Variants in RPS6KA2 observed in about 807,000 individuals in gnomAD.
RPS6KA2 encodes ribosomal protein S6 kinase A2.
A neutral mutation model predicts 91.8 loss-of-function variants in RPS6KA2; 42 were observed. The ratio of observed to expected loss-of-function variants is 0.46; its 90% CI spans 0.36 to 0.59. RPS6KA2 has a LOEUF of 0.59. Among genes scored for constraint, RPS6KA2 ranks in the 20% least tolerant of loss-of-function variants. RPS6KA2 has a pLI of 0.00. For synonymous variants in RPS6KA2, 414 were observed against 393.6 expected, an observed-to-expected ratio of 1.05 and a Z score of -0.61; for missense variants, 798 against 978.5, an observed-to-expected ratio of 0.82 and a Z score of 2.46.
intron 1 of RPS6KA2, among the ~76,000 whole-genome samples, chr6:166,599,093 G>A (rs544156114): frequency 6.6e-6 from 1 of 152,358 alleles, no homozygotes; most frequent in South Asian, 2.1e-4. Context: ...GAGTCACCTG[G>A]TGCGTGCCAT....
Position 166,737,909 on chromosome 6 carries a change from C to A in RPS6KA2, c.123+120291G>T, listed in dbSNP as rs183326648. Among the ~76,000 whole-genome samples the A allele has an allele frequency of 2.1e-4, 32 of 152,220 alleles. No homozygotes were observed. The highest frequency in any genetic ancestry group is 6.8e-3 in the Middle Eastern group (2 of 294). The stretch of plus-strand genomic sequence containing the variant: ...ATTTCTCATTGTGAAAGAAATAAAA[C>A]ATACAGAAAAGTATACAAAGTAAAA... On this transcript the variant is annotated intron_variant, in intron 2 of 21. Coordinates refer to the RPS6KA2 transcript ENST00000503859. This position sits in a 1 kb window ranked among gnomAD's most constrained non-coding sequence, Gnocchi z 4.3.
chr6:166,554,040 T>C lies in RPS6KA2; in HGVS notation c.100-15256A>G, dbSNP rs1562575943. On this transcript the variant is annotated intron_variant, in intron 1 of 20. Coordinates refer to ENST00000265678, the MANE Select transcript of RPS6KA2 (RefSeq NM_021135.6). The surrounding 1 kb of genome is among the most constrained non-coding windows in gnomAD (Gnocchi z 4.3). The stretch of plus-strand genomic sequence containing the variant: ...CTACCCCGAGGCAGTGGCTGGAAAC[T>C]GCACCAAACCCTGTGTGTGTATCTG... Among the ~76,000 whole-genome samples, 1 of 152,204 alleles carries C rather than the reference T, an allele frequency of 6.6e-6. No individual in the cohort carries two copies. Among genetic ancestry groups the C allele is most frequent in the Non-Finnish European group, 1.5e-5 (1 of 68,030 alleles).
intron 2 of RPS6KA2, among the ~76,000 whole-genome samples, chr6:166,818,597 C>A (rs1386794325): frequency 1.3e-5 from 2 of 152,152 alleles, no homozygotes; most frequent in African/African-American, 4.8e-5. Flanking sequence ...TGCACAGTCA[C>A]CCCTTCCCCA....
chr6:166,637,375 AGAG>A (rs1787280237), intron 2 of RPS6KA2, among the ~76,000 whole-genome samples: 3 of 152,260 alleles, frequency 2.0e-5, no homozygotes, highest in Non-Finnish European at 2.9e-5. Context: ...GCTGGGGAAG[AGAG>A]GAGATCAGTC....
intron 2 of RPS6KA2, among the ~76,000 whole-genome samples, chr6:166,535,130 CCT>C: frequency 1.3e-5 from 2 of 152,276 alleles, no homozygotes; most frequent in South Asian, 4.1e-4. Flanking sequence ...GTGTGTGCCC[CCT>C]CATTTCATTT....
At chr6:166,586,311 T>G in intron 1 of RPS6KA2, 1 of 1,599,212 alleles carries the variant, frequency 6.3e-7, no homozygotes, top group Non-Finnish European at 8.5e-7. Context: ...TTGCAACCGA[T>G]TGCCTCTGTT....
chr6:166,682,706 C>G, intron 2 of RPS6KA2, among the ~76,000 whole-genome samples: 1 of 152,220 alleles, frequency 6.6e-6, no homozygotes, highest in East Asian at 1.9e-4. Flanking sequence ...ATAGCCGGGA[C>G]AAGCTCATTC....
At chr6:166,440,301 C>T (rs1779478643) in intron 14 of RPS6KA2, 1 of 152,166 alleles carries the variant, frequency 6.6e-6, no homozygotes, top group African/African-American at 2.4e-5. Flanking sequence ...CATGCTACAT[C>T]TTATTGCTGA....
chr6:166,605,766 A>G (rs1785931773), intron 1 of RPS6KA2, among the ~76,000 whole-genome samples: 1 of 152,236 alleles, frequency 6.6e-6, no homozygotes, highest in Admixed American at 6.5e-5. Context: ...ATCAAAATAA[A>G]AATAGCACAC....
At position 166,409,483 on chromosome 6, in the gene RPS6KA2, A is replaced by T. The variant is rs1261150974; in HGVS notation, c.*3279T>A. 1 of 152,494 alleles carries T rather than the reference A, an allele frequency of 6.6e-6. No individual in the cohort carries two copies. The highest frequency in any genetic ancestry group is 1.9e-4 in the East Asian group (1 of 5,208). The allele number at this position is 152,494 out of a possible 1,614,324, so 9.4% of individuals were successfully genotyped here. A position where few individuals can be genotyped will look rare whatever the true frequency, so the allele number is the denominator to read the frequency against. On this transcript the variant is annotated 3_prime_UTR_variant, in exon 21 of 21. Transcript: ENST00000265678. ...ACAGTGGCCACCCATCTCAAACATG[A>T]ATTACAAAGCAGGAACATAAAAATG...
chr6:166,498,509 A>G lies in RPS6KA2; in HGVS notation c.746T>C (p.Met249Thr). Residue 249 changes from methionine (M) to threonine (T), a missense_variant and splice_region_variant, in exon 8 of 21, where the codon ATG becomes ACG. Coordinates refer to ENST00000265678, the MANE Select transcript of RPS6KA2 (RefSeq NM_021135.6). Reference protein sequence around the residue: ...SADWWSFGVLMFEMLTGSLPF... With the variant: ...SADWWSFGVLTFEMLTGSLPF... ...AGAAGAGGGTCGGGGCAGGCTCACC[A>G]TGAGCACGCCGAAGGACCACCAGTC... 1.2e-6 allele frequency: 2 copies of G among 1,608,618 alleles called. No individual in the cohort carries two copies. The highest frequency in any genetic ancestry group is 1.7e-6 in the Non-Finnish European group (2 of 1,178,318).
intron 1 of RPS6KA2, among the ~76,000 whole-genome samples, chr6:166,618,758 CAG>C (rs1033879430): frequency 6.6e-6 from 1 of 152,246 alleles, no homozygotes; most frequent in Non-Finnish European, 1.5e-5. Flanking sequence ...CTCACGCACA[CAG>C]AGTGATTGTG....
rs1285264807 is a variant in RPS6KA2 at position 166,724,728 on chromosome 6, T to C, written c.123+133472A>G. Among the ~76,000 whole-genome samples, 5 of 152,336 alleles carry C rather than the reference T, an allele frequency of 3.3e-5. No homozygotes were observed. The South Asian group carries it at 6.2e-4, about 19-fold the overall frequency. On this transcript the variant is annotated intron_variant, in intron 2 of 21. Transcript: ENST00000503859. ...CCTATGCTGAGGGTGCAGGTTCCTA[T>C]TCTTTTAACGTGGACCATCTGCAAC...
intron 19 of RPS6KA2, among the ~76,000 whole-genome samples, chr6:166,417,651 A>C (rs551040768): frequency 4.8e-5 from 7 of 145,414 alleles, no homozygotes; most frequent in South Asian, 2.2e-4. Flanking sequence ...ACACACACAC[A>C]CGCACGCATG....
At chr6:166,415,979 A>T (rs1416637997) in intron 19 of RPS6KA2, among the ~76,000 whole-genome samples, 1 of 120,710 alleles carries the variant, frequency 8.3e-6, no homozygotes, top group African/African-American at 3.2e-5. Flanking sequence ...CACCATCTCC[A>T]CCATCATCCT....
At position 166,853,186 on chromosome 6, in the gene RPS6KA2, C is replaced by T. The variant is rs116590644; in HGVS notation, c.123+5014G>A. 2.4e-3 allele frequency among the ~76,000 whole-genome samples: 362 copies of T among 152,324 alleles called. 2 individuals are homozygous for T. The highest frequency in any genetic ancestry group is 8.2e-3 in the African/African-American group (341 of 41,584). ...AGGTGTGGTGGCTTATGCCTGTAGTCACAGCACTTTGGGAGGCCAAGGCGA... is the reference window on the plus strand; with the variant it reads ...AGGTGTGGTGGCTTATGCCTGTAGTTACAGCACTTTGGGAGGCCAAGGCGA... On this transcript the variant is annotated intron_variant, in intron 2 of 21. Transcript: ENST00000503859.
intron 10 of RPS6KA2, among the ~76,000 whole-genome samples, chr6:166,477,665 T>C (rs982298472): frequency 6.6e-6 from 1 of 152,184 alleles, no homozygotes; most frequent in Non-Finnish European, 1.5e-5. Flanking sequence ...TGTAATCTCA[T>C]GTTGGGAGGC....
intron 17 of RPS6KA2, among the ~76,000 whole-genome samples, chr6:166,420,849 G>A (rs1017488710): frequency 2.6e-5 from 4 of 152,224 alleles, no homozygotes; most frequent in Non-Finnish European, 5.9e-5. Context: ...ACATACTTCA[G>A]TAGAGGGCAA....
At chr6:166,815,880 T>C (rs1779747645) in intron 2 of RPS6KA2, among the ~76,000 whole-genome samples, 1 of 152,188 alleles carries the variant, frequency 6.6e-6, no homozygotes, top group Non-Finnish European at 1.5e-5. Flanking sequence ...TGATAATTCA[T>C]TCTACAAAAA....
Sources: allele counts gnomAD v4.1 joint callset (sites outside exome capture counted in the v4.1 genomes callset), GRCh38; gene constraint gnomAD v4.1.1; non-coding constraint Gnocchi (gnomAD v3.1); transcripts MANE v1.5; gene names NCBI Gene and HGNC (gene_info 2026-07-23, HGNC 2026-07-21).